GLIS1: variants seen among roughly 807,000 people sequenced by gnomAD.
GLIS1 encodes zinc finger protein GLIS1.
Under a neutral mutation model 63.8 loss-of-function variants are expected in GLIS1, and 24 were observed. That is an observed-to-expected ratio of 0.38 (90% CI 0.27 to 0.53). The LOEUF (loss-of-function observed/expected upper bound fraction) is 0.53, where lower values mean the gene tolerates loss of function less well. Among genes scored for constraint, GLIS1 ranks in the 20% least tolerant of loss-of-function variants. GLIS1 has a pLI of 0.85. For synonymous variants in GLIS1, 450 were observed against 482.5 expected (o/e 0.93, Z 0.88); for missense variants, 1,036 against 1,074.1 (o/e 0.96, Z 0.50).
At chr1:53,647,548 T>C (rs1016772537) in intron 2 of GLIS1, among the ~76,000 whole-genome samples, 1 of 151,982 alleles carries the variant, frequency 6.6e-6, no homozygotes, top group African/African-American at 2.4e-5. Context: ...AAAAACCAAA[T>C]CCAGAGAGCC....
At chr1:53,537,352 G>A (rs757432782) in intron 4 of GLIS1, among the ~76,000 whole-genome samples, 5 of 152,350 alleles carry the variant, frequency 3.3e-5, no homozygotes, top group South Asian at 2.1e-4. Context: ...AGTGCCTGGC[G>A]TGCCGCTGGC....
At chr1:53,577,299 T>A (rs1033717240) in intron 4 of GLIS1, among the ~76,000 whole-genome samples, 2 of 152,048 alleles carry the variant, frequency 1.3e-5, no homozygotes, top group Non-Finnish European at 2.9e-5. Context: ...CTGCCAGGCC[T>A]GCACCAGCAC....
intron 4 of GLIS1, among the ~76,000 whole-genome samples, chr1:53,551,980 CCCAA>C (rs1472145571): frequency 6.6e-6 from 1 of 152,080 alleles, no homozygotes; most frequent in South Asian, 2.1e-4. Context: ...CAGAAAACTT[CCCAA>C]CCAAACACTC....
rs577547863 is a variant in GLIS1 at position 53,657,461 on chromosome 1, T to C, written c.260-57183A>G. On this transcript the variant is annotated intron_variant, in intron 2 of 10. Coordinates refer to ENST00000628545, the MANE Select transcript of GLIS1 (RefSeq NM_001367484.1). Reference sequence around the variant, plus strand: ...CCTTGGGTCTGGTGTGGCCTGTGACTGCTTTGGCGGATGGAGCAGAATGTG... The same window carrying C: ...CCTTGGGTCTGGTGTGGCCTGTGACCGCTTTGGCGGATGGAGCAGAATGTG... Among the ~76,000 whole-genome samples, 6 of 152,312 alleles carry C rather than the reference T, an allele frequency of 3.9e-5. No individual in the cohort carries two copies. The South Asian group carries it at 1.2e-3, about 32-fold the overall frequency.
intron 2 of GLIS1, among the ~76,000 whole-genome samples, chr1:53,663,626 T>C (rs1302239080): frequency 6.6e-6 from 1 of 152,200 alleles, no homozygotes; most frequent in African/African-American, 2.4e-5. Context: ...ACCTGTCCTG[T>C]GGAGTGAGCC....
intron 2 of GLIS1, among the ~76,000 whole-genome samples, chr1:53,665,018 T>A (rs1570011927): frequency 6.6e-6 from 1 of 152,192 alleles, no homozygotes; most frequent in East Asian, 1.9e-4. Context: ...GCTGCCATTG[T>A]AAGTAAGGAC....
chr1:53,528,860 C>T (rs888345671), intron 5 of GLIS1, among the ~76,000 whole-genome samples: 1 of 152,146 alleles, frequency 6.6e-6, no homozygotes, highest in Non-Finnish European at 1.5e-5. Context: ...AGAAACCAGC[C>T]TGGGGCCCGG....
chr1:53,609,991 A>G (rs1645409940), intron 2 of GLIS1, among the ~76,000 whole-genome samples: 1 of 152,238 alleles, frequency 6.6e-6, no homozygotes, highest in Non-Finnish European at 1.5e-5. Context: ...ATACAGTATC[A>G]TCATCTTATA....
chr1:53,578,655 A>G (rs1645055605), intron 4 of GLIS1, among the ~76,000 whole-genome samples: 1 of 152,234 alleles, frequency 6.6e-6, no homozygotes, highest in South Asian at 2.1e-4. Context: ...GCTCCAGGAA[A>G]ATATACGATT....
intron 2 of GLIS1, among the ~76,000 whole-genome samples, chr1:53,637,358 G>C (rs1478957332): frequency 6.6e-6 from 1 of 152,182 alleles, no homozygotes; most frequent in South Asian, 2.1e-4. Context: ...AGGATACCCA[G>C]GGATGGGGAG....
chr1:53,729,029 A>T (rs1339698365), intron 2 of GLIS1, among the ~76,000 whole-genome samples: 1 of 152,260 alleles, frequency 6.6e-6, no homozygotes, highest in Non-Finnish European at 1.5e-5. Context: ...TACTTAAAAG[A>T]GCTCTTGAAA....
At chr1:53,720,074 T>A (rs898176030) in intron 2 of GLIS1, among the ~76,000 whole-genome samples, 7 of 151,806 alleles carry the variant, frequency 4.6e-5, no homozygotes, top group African/African-American at 1.7e-4. Context: ...TACTCAGGAG[T>A]CTGAGGCAGG....
In GLIS1 at chr1:53,550,667, T is replaced by C. The variant is rs372328965; in HGVS notation, c.1321-20715A>G. On this transcript the variant is annotated intron_variant, in intron 4 of 10. Transcript: ENST00000628545. ...CCATACTGCTGTGAAACCACAATTA[T>C]CAAGTACCATGGCGCAATGGCAGAT... Among the ~76,000 whole-genome samples, 3 of 152,044 alleles carry C rather than the reference T, an allele frequency of 2.0e-5. No individual in the cohort carries two copies. The South Asian group carries it at 6.2e-4, about 32-fold the overall frequency.
chr1:53,690,531 C>T (rs113849410), intron 2 of GLIS1, among the ~76,000 whole-genome samples: 7,221 of 152,088 alleles, frequency 0.047, 197 homozygotes, highest in South Asian at 0.14. Flanking sequence ...TCAACGTCTG[C>T]ATCTGGCAAT....
At chr1:53,533,381 C>T (rs1472583614) in intron 4 of GLIS1, among the ~76,000 whole-genome samples, 1 of 152,206 alleles carries the variant, frequency 6.6e-6, no homozygotes, top group Non-Finnish European at 1.5e-5. Flanking sequence ...GCAGTCCACG[C>T]ACCCCTGTGA....
chr1:53,719,399 A>AAGAAATCCTCTCTGT (rs1646731098), intron 2 of GLIS1, among the ~76,000 whole-genome samples: 1 of 152,152 alleles, frequency 6.6e-6, no homozygotes, highest in Non-Finnish European at 1.5e-5. Context: ...ATTCTCTCTG[A>AAGAAATCCTCTCTGT]AGAAATCCTC....
intron 2 of GLIS1, among the ~76,000 whole-genome samples, chr1:53,699,036 T>A (rs1310115288): frequency 1.3e-5 from 2 of 148,274 alleles, no homozygotes; most frequent in Non-Finnish European, 3.0e-5. Flanking sequence ...TGTTTTTTGT[T>A]TTGTTTTTTG....
intron 2 of GLIS1, among the ~76,000 whole-genome samples, chr1:53,627,653 C>T (rs996396407): frequency 6.6e-6 from 1 of 152,280 alleles, no homozygotes; most frequent in East Asian, 1.9e-4. Flanking sequence ...TAATGGATTT[C>T]GGTTTTGTTC....
chr1:53,640,203 C>T (rs941215262), intron 2 of GLIS1, among the ~76,000 whole-genome samples: 1 of 152,152 alleles, frequency 6.6e-6, no homozygotes. Context: ...CCAGCTAGCT[C>T]CCCAGGCAGC....
Sources: allele counts gnomAD v4.1 joint callset (sites outside exome capture counted in the v4.1 genomes callset), GRCh38; gene constraint gnomAD v4.1.1; transcripts MANE v1.5; gene names NCBI Gene and HGNC (gene_info 2026-07-23, HGNC 2026-07-21).